Variants in DGCR2 observed in about 807,000 individuals in gnomAD.
DGCR2 encodes the protein integral membrane protein DGCR2/IDD.
DGCR2 carries 24 observed loss-of-function variants against 51.6 expected under a neutral mutation model. That is an observed-to-expected ratio of 0.47 (90% confidence interval 0.34 to 0.65). The LOEUF (loss-of-function observed/expected upper bound fraction) is 0.65. DGCR2 is among the 30% of genes least tolerant of loss of function. The pLI, the probability that DGCR2 is intolerant of heterozygous loss-of-function variation, is 0.01. For synonymous variants in DGCR2, 340 were observed against 315.4 expected, an observed-to-expected ratio of 1.08 and a Z score of -0.82; for missense variants, 765 against 772.1, an observed-to-expected ratio of 0.99 and a Z score of 0.11.
rs2082970300 is a variant in DGCR2, at chr22:19,083,730, C to T, written c.202+5638G>A. Among the ~76,000 whole-genome samples, 3 of 140,182 alleles carry T rather than the reference C, an allele frequency of 2.1e-5. No individual in the cohort carries two copies. The South Asian group carries it at 7.8e-4, about 36-fold the overall frequency. The allele number at this position is 140,182 out of a possible 152,430, so 92.0% of individuals were successfully genotyped here. On this transcript the variant is annotated intron_variant, in intron 2 of 9. Coordinates refer to ENST00000263196, the MANE Select transcript of DGCR2 (RefSeq NM_005137.3). ...CCCCCTCTCCCTCTCCCCACGGTCT[C>T]CCTCTCCCTCTCTTTCCACGGTCTC...
intron 7 of DGCR2, among the ~76,000 whole-genome samples, chr22:19,045,758 G>A (rs913794994): frequency 5.3e-5 from 8 of 152,064 alleles, no homozygotes; most frequent in Non-Finnish European, 8.8e-5. Flanking sequence ...ATGGAGTCTC[G>A]CTCTGTCACC....
At chr22:19,045,107 T>A (rs1176195092) in intron 7 of DGCR2, 1 of 152,234 alleles carries the variant, frequency 6.6e-6, no homozygotes, top group African/African-American at 2.4e-5. Context: ...GTTGTGTCTA[T>A]GACCATTTTG....
chr22:19,122,159 G>GAGCAGGAAGAGC lies in DGCR2; in HGVS notation c.36_47dup (p.Leu13_Leu16dup). 3 of 1,510,670 alleles carry GAGCAGGAAGAGC rather than the reference G, an allele frequency of 2.0e-6. No individual in the cohort carries two copies. Among genetic ancestry groups the GAGCAGGAAGAGC allele is most frequent in the South Asian group, 2.5e-5 (2 of 80,476 alleles). The allele number at this position is 1,510,670 out of a possible 1,614,324, so 93.6% of individuals were successfully genotyped here. On this transcript the variant is annotated inframe_insertion, in exon 1 of 10. Coordinates refer to ENST00000263196, the MANE Select transcript of DGCR2 (RefSeq NM_005137.3). ...GCAGCGGCTCGGTGACAGTGAGCAC[G>GAGCAGGAAGAGC]AGCAGGAAGAGCAGCAGGAAGGCGC...
chr22:19,077,756 T>C (rs988385702), intron 2 of DGCR2, among the ~76,000 whole-genome samples: 4 of 152,214 alleles, frequency 2.6e-5, no homozygotes, highest in African/African-American at 2.4e-5. Context: ...ATTGAATCTG[T>C]AGATTGCTTT....
intron 6 of DGCR2, among the ~76,000 whole-genome samples, chr22:19,053,745 T>C (rs543187917): frequency 6.6e-5 from 10 of 151,972 alleles, no homozygotes; most frequent in Non-Finnish European, 1.3e-4. Flanking sequence ...ATGAAGGAAC[T>C]TCCCCACAGG....
intron 1 of DGCR2, among the ~76,000 whole-genome samples, chr22:19,114,301 T>A (rs1018860175): frequency 5.9e-5 from 9 of 152,212 alleles, no homozygotes; most frequent in African/African-American, 2.2e-4. Flanking sequence ...AATATCAACT[T>A]TATTTTTTCT....
intron 2 of DGCR2, among the ~76,000 whole-genome samples, chr22:19,081,871 G>A (rs920870893): frequency 6.6e-6 from 1 of 152,184 alleles, no homozygotes; most frequent in African/African-American, 2.4e-5. Context: ...TGTAGTCTTA[G>A]AATACTAACG....
At chr22:19,103,034 T>C (rs1043768762) in intron 1 of DGCR2, among the ~76,000 whole-genome samples, 5 of 152,170 alleles carry the variant, frequency 3.3e-5, no homozygotes, top group African/African-American at 1.2e-4. Context: ...ATGGTAAATT[T>C]TATGTTACAT....
chr22:19,038,019 C>T lies in DGCR2; in HGVS notation c.*846G>A, dbSNP rs574169286. ...CAACAGGAGGCAAGAGCCCAGGGCT[C>T]CAGAGTGGAGAGACAGGAGGCAGCT... On this transcript the variant is annotated 3_prime_UTR_variant, in exon 10 of 10. Transcript: ENST00000263196. 2.0e-5 allele frequency: 3 copies of T among 152,950 alleles called. No individual in the cohort carries two copies. Among genetic ancestry groups the T allele is most frequent in the Admixed American group, 6.5e-5 (1 of 15,306 alleles). 9.5% of individuals were successfully genotyped at this position (152,950 alleles called of 1,614,324 possible).
chr22:19,039,113 C>T lies in DGCR2; in HGVS notation c.1405G>A (p.Ala469Thr), dbSNP rs775001765. ...AGGCTGACCTCCACAGGCTCAAAAG[C>T]ATCATCGTCTGCAGGAAGAGACAGA... ...SVFYDPADDDAFEPVEVSLPA... is the reference protein window; with the variant it reads ...SVFYDPADDDTFEPVEVSLPA... The change falls in exon 10 of 10, where the codon GCT (alanine) becomes ACT (threonine). Residue 469 changes from alanine (A) to threonine (T), a missense_variant. Around this residue, in one of 3 missense-constraint regions of DGCR2, gnomAD observed 205 missense variants for 181.4 expected, o/e 1.13. Coordinates refer to ENST00000263196, the MANE Select transcript of DGCR2 (RefSeq NM_005137.3). The T allele has an allele frequency of 2.5e-6, 4 of 1,613,046 alleles. No individual in the cohort carries two copies. In the East Asian group the frequency reaches 6.7e-5, roughly 27 times the overall value.
At chr22:19,104,312 G>A (rs984209177) in intron 1 of DGCR2, among the ~76,000 whole-genome samples, 3 of 152,082 alleles carry the variant, frequency 2.0e-5, no homozygotes, top group Non-Finnish European at 4.4e-5. Flanking sequence ...AGAAACCCAC[G>A]AGTCTCTGCA....
chr22:19,043,820 G>A (rs1386399548), intron 7 of DGCR2, among the ~76,000 whole-genome samples: 1 of 152,156 alleles, frequency 6.6e-6, no homozygotes, highest in Non-Finnish European at 1.5e-5. Flanking sequence ...AGATGGCAGC[G>A]CCAGCTCCTG....
chr22:19,043,624 G>GGA (rs1448793083), intron 7 of DGCR2, among the ~76,000 whole-genome samples: 1 of 152,132 alleles, frequency 6.6e-6, no homozygotes, highest in Non-Finnish European at 1.5e-5. Context: ...CCTGGAAGCA[G>GGA]GAGGACCCCA....
chr22:19,062,619 G>C (rs1354174693), intron 5 of DGCR2, among the ~76,000 whole-genome samples: 1 of 152,116 alleles, frequency 6.6e-6, no homozygotes, highest in African/African-American at 2.4e-5. Context: ...AGTATGTCCA[G>C]GAGGAGCTCG....
intron 2 of DGCR2, among the ~76,000 whole-genome samples, chr22:19,082,064 G>GT (rs544889246): frequency 0.032 from 3,316 of 103,706 alleles, 90 homozygotes; most frequent in South Asian, 0.093. Flanking sequence ...GGTTTTTTTT[G>GT]TTTTTTTTTT....
intron 1 of DGCR2, among the ~76,000 whole-genome samples, chr22:19,090,654 C>T (rs1408706592): frequency 6.6e-6 from 1 of 152,140 alleles, no homozygotes; most frequent in Non-Finnish European, 1.5e-5. Flanking sequence ...AAGAGAGAAA[C>T]AGAAGCACAC....
chr22:19,077,266 A>T (rs557299598), intron 2 of DGCR2, among the ~76,000 whole-genome samples: 1 of 152,312 alleles, frequency 6.6e-6, no homozygotes, highest in African/African-American at 2.4e-5. Flanking sequence ...ATCATTGCCA[A>T]ATCCAGTGTC....
At chr22:19,080,765 G>C (rs1331822146) in intron 2 of DGCR2, among the ~76,000 whole-genome samples, 4 of 152,204 alleles carry the variant, frequency 2.6e-5, no homozygotes, top group Non-Finnish European at 5.9e-5. Flanking sequence ...GAGTCCAGGG[G>C]TTTGAGGTTG....
At chr22:19,062,773 A>ATTTTCT (rs1248707469) in intron 5 of DGCR2, among the ~76,000 whole-genome samples, 1 of 113,172 alleles carries the variant, frequency 8.8e-6, no homozygotes, top group Admixed American at 9.1e-5. Context: ...ACACACATGC[A>ATTTTCT]TGCTCACTCT....
Sources: gnomAD v4.1 joint callset for allele counts (sites outside exome capture counted in the v4.1 genomes callset) on GRCh38, gnomAD v4.1.1 for gene constraint, gnomAD v4.1.1 regional missense constraint, MANE v1.5 for transcripts, NCBI Gene and HGNC (gene_info 2026-07-23, HGNC 2026-07-21) for gene names.